Variants in HDHD2 observed in about 807,000 individuals in gnomAD.
HDHD2 encodes the protein haloacid dehalogenase like hydrolase domain containing 2.
In HDHD2, 26 loss-of-function variants were observed where a neutral mutation model predicts 24.8. The ratio of observed to expected loss-of-function variants is 1.05; its 90% CI spans 0.77 to 1.45. The LOEUF is 1.45. HDHD2 is among the 40% of genes most tolerant of loss of function. The pLI, the probability that HDHD2 is intolerant of heterozygous loss-of-function variation, is 0.00. For synonymous variants in HDHD2, 128 were observed against 114.9 expected (o/e 1.11, Z -0.73); for missense variants, 299 against 313.4 (o/e 0.95, Z 0.35).
chr18:47,123,996 T>C (rs1378766919), intron 4 of HDHD2, among the ~76,000 whole-genome samples: 2 of 152,226 alleles, frequency 1.3e-5, no homozygotes, highest in Admixed American at 6.5e-5. Context: ...ACAGTATGAA[T>C]GGCAAAAGTA....
intron 4 of HDHD2, among the ~76,000 whole-genome samples, chr18:47,119,407 G>A (rs368661931): frequency 1.4e-4 from 22 of 152,306 alleles, no homozygotes; most frequent in African/African-American, 5.3e-4. Flanking sequence ...TTTCAACAAC[G>A]TTCGAAGCAT....
chr18:47,110,409 G>C, intron 6 of HDHD2: 1 of 985,178 alleles, frequency 1.0e-6, no homozygotes, highest in Non-Finnish European at 1.2e-6. Context: ...CTTAAATATC[G>C]TTAGTATAAA....
intron 1 of HDHD2, among the ~76,000 whole-genome samples, chr18:47,140,063 A>AT (rs1218636696): frequency 1.3e-5 from 2 of 152,122 alleles, no homozygotes; most frequent in African/African-American, 4.8e-5. Context: ...TTTTCTTCAT[A>AT]TTTTTTACCA....
intron 1 of HDHD2, 158 bp downstream of exon 1, chr18:47,150,220 A>C (rs1016512543): frequency 6.6e-6 from 1 of 152,294 alleles, no homozygotes; most frequent in African/African-American, 2.4e-5. Context: ...TCCGACGCGG[A>C]AAACAGGGAA....
At chr18:47,111,360 C>G (rs1451186576) in intron 6 of HDHD2, 1 of 885,278 alleles carries the variant, frequency 1.1e-6, no homozygotes. Context: ...TCCTTAATTA[C>G]ATGAGCTAAA....
At chr18:47,147,221 G>A (rs148362211) in intron 1 of HDHD2, among the ~76,000 whole-genome samples, 1 of 152,242 alleles carries the variant, frequency 6.6e-6, no homozygotes, top group African/African-American at 2.4e-5. Context: ...GATGAAAGAG[G>A]GAAAAAGAAG....
chr18:47,134,671 C>T lies in HDHD2; in HGVS notation c.135G>A (p.Val45=), dbSNP rs1810964229. 1 of 1,613,964 alleles carries T rather than the reference C, an allele frequency of 6.2e-7. No homozygotes were observed. Among genetic ancestry groups the T allele is most frequent in the Non-Finnish European group, 8.5e-7 (1 of 1,180,002 alleles). The part of the protein sequence containing the change: ...LRGASVIIRF[V]TNTTKESKQD... ...GCTTGCTCTCTTTGGTTGTATTGGT[C>T]ACAAACCTAATGATTACAGAAGCAC... The change falls in exon 3 of 7, where the codon GTG becomes GTA. Residue 45 remains valine, a synonymous_variant. Coordinates refer to ENST00000300605, the MANE Select transcript of HDHD2 (RefSeq NM_032124.5).
Position 47,136,651 on chromosome 18 carries a change from T to A in HDHD2, c.-10-202A>T, listed in dbSNP as rs2571003. Among the ~76,000 whole-genome samples, 77,088 of 148,926 alleles carry A rather than the reference T, an allele frequency of 0.52. 19,801 individuals carry two copies. Among genetic ancestry groups the A allele is most frequent in the Middle Eastern group, 0.6 (174 of 292 alleles). On this transcript the variant is annotated intron_variant, in intron 1 of 6. Coordinates refer to ENST00000300605, the MANE Select transcript of HDHD2 (RefSeq NM_032124.5). ...CTTTTACAATACTTAGGTTTTTTTTTAAAAAAAAAAAACACTTGAATTAAA... is the reference window on the plus strand; with the variant it reads ...CTTTTACAATACTTAGGTTTTTTTTAAAAAAAAAAAAACACTTGAATTAAA...
intron 4 of HDHD2, among the ~76,000 whole-genome samples, chr18:47,119,425 A>G (rs1291937064): frequency 6.6e-6 from 1 of 152,264 alleles, no homozygotes; most frequent in African/African-American, 2.4e-5. Flanking sequence ...CATCTTCACC[A>G]GGAGTAGATT....
At position 47,133,187 on chromosome 18, in the gene HDHD2, T is replaced by C. The variant is rs1388878617; in HGVS notation, c.310+1309A>G. ...CAGGCCCCAGTGTGTGATGTTCCCC[T>C]TCCTGTGTCCATGTGTTCTCATTGT... On this transcript the variant is annotated intron_variant, in intron 3 of 6. Transcript: ENST00000300605. Among the ~76,000 whole-genome samples, 6 of 146,880 alleles carry C rather than the reference T, an allele frequency of 4.1e-5. No individual in the cohort carries two copies. In the East Asian group the frequency reaches 1.1e-3, roughly 27 times the overall value.
chr18:47,129,801 G>A (rs1260686967), intron 4 of HDHD2, among the ~76,000 whole-genome samples: 1 of 152,182 alleles, frequency 6.6e-6, no homozygotes, highest in Non-Finnish European at 1.5e-5. Flanking sequence ...GCTCGGGCGT[G>A]CTGGCACACG....
intron 6 of HDHD2, chr18:47,111,279 G>C (rs2063513796): frequency 3.0e-6 from 3 of 984,986 alleles, no homozygotes; most frequent in Non-Finnish European, 3.6e-6. Flanking sequence ...GACAGAGCCA[G>C]TGGAGACCAG....
chr18:47,113,141 C>T (rs944417511), intron 5 of HDHD2, 101 bp from the exon 6 acceptor site: 5 of 903,026 alleles, frequency 5.5e-6, no homozygotes, highest in African/African-American at 1.7e-5. Context: ...AACTGTAATG[C>T]CATGTTTTTT....
intron 1 of HDHD2, among the ~76,000 whole-genome samples, chr18:47,146,034 C>G (rs118090589): frequency 2.6e-5 from 4 of 151,904 alleles, no homozygotes; most frequent in African/African-American, 4.8e-5. Flanking sequence ...GCATTCAAGA[C>G]CAGCCTAGTC....
chr18:47,149,195 CATT>C (rs1196631194), intron 1 of HDHD2: 1 of 152,096 alleles, frequency 6.6e-6, no homozygotes, highest in Non-Finnish European at 1.5e-5. Flanking sequence ...AGTTCTAAAG[CATT>C]AGTATAACTT....
intron 5 of HDHD2, 94 bp from the exon 6 acceptor site, chr18:47,113,134 T>A (rs1163610501): frequency 2.2e-6 from 2 of 929,976 alleles, no homozygotes; most frequent in Non-Finnish European, 3.5e-6. Context: ...GGTGTCCAAC[T>A]GTAATGCCAT....
At chr18:47,141,094 G>A (rs896129825) in intron 1 of HDHD2, among the ~76,000 whole-genome samples, 26 of 152,198 alleles carry the variant, frequency 1.7e-4, no homozygotes, top group African/African-American at 5.8e-4. Context: ...TAAACTTACT[G>A]TAGAACTCTG....
At chr18:47,116,659 C>T (rs1465254013) in intron 4 of HDHD2, among the ~76,000 whole-genome samples, 1 of 152,138 alleles carries the variant, frequency 6.6e-6, no homozygotes, top group Non-Finnish European at 1.5e-5. Context: ...CTGGCAAAGC[C>T]ATTCTGTTGG....
At chr18:47,127,961 G>A (rs79072028) in intron 4 of HDHD2, among the ~76,000 whole-genome samples, 1,993 of 152,244 alleles carry the variant, frequency 0.013, 18 homozygotes, top group Non-Finnish European at 0.023. Flanking sequence ...TAACTAATCG[G>A]TGGTTCATTT....
Sources: gnomAD v4.1 joint callset for allele counts (sites outside exome capture counted in the v4.1 genomes callset) on GRCh38, gnomAD v4.1.1 for gene constraint, MANE v1.5 for transcripts, NCBI Gene and HGNC (gene_info 2026-07-23, HGNC 2026-07-21) for gene names.